TTC8: variants seen among roughly 807,000 people sequenced by gnomAD.
TTC8 encodes the protein tetratricopeptide repeat domain 8, also known as tetratricopeptide repeat protein 8.
In TTC8, 47 loss-of-function variants were observed where a neutral mutation model predicts 72.5. The observed-to-expected ratio is 0.65, with a 90% confidence interval of 0.51 to 0.83. The LOEUF is 0.83. Ranked by LOEUF, TTC8 falls within the 40% of genes least tolerant of loss-of-function variation. The pLI is 0.00. For synonymous variants in TTC8, 199 were observed against 221.4 expected, an observed-to-expected ratio of 0.90 and a Z score of 0.90; for missense variants, 611 against 623.2, an observed-to-expected ratio of 0.98 and a Z score of 0.21.
upstream of TTC8, chr14:88,824,303 C>G (rs945580554): frequency 1.1e-5 from 2 of 189,770 alleles, no homozygotes; most frequent in African/African-American, 4.7e-5. Flanking sequence ...AGAAGTAGGA[C>G]AGACACCAGA....
chr14:88,844,693 T>C (rs1419044326), intron 7 of TTC8, among the ~76,000 whole-genome samples: 1 of 151,800 alleles, frequency 6.6e-6, no homozygotes, highest in African/African-American at 2.4e-5. Flanking sequence ...TATAGGCGTG[T>C]GCCACCATGC....
intron 1 of TTC8, among the ~76,000 whole-genome samples, chr14:88,829,685 G>A (rs1456482834): frequency 6.6e-6 from 1 of 152,184 alleles, no homozygotes; most frequent in Non-Finnish European, 1.5e-5. Flanking sequence ...TTCTCGTTTT[G>A]CCCCAATCTC....
intron 10 of TTC8, among the ~76,000 whole-genome samples, chr14:88,866,164 A>G (rs1009169793): frequency 1.3e-5 from 2 of 152,196 alleles, no homozygotes; most frequent in Non-Finnish European, 2.9e-5. Flanking sequence ...CACAAAGTCA[A>G]AAAGCCATAA....
intron 9 of TTC8, among the ~76,000 whole-genome samples, chr14:88,861,009 GC>G (rs1238040353): frequency 6.6e-6 from 1 of 151,918 alleles, no homozygotes; most frequent in African/African-American, 2.4e-5. Context: ...TCACTGTGTT[GC>G]CCAGGCTGGT....
At chr14:88,853,105 G>T (rs375554445) in intron 8 of TTC8, 49 bp downstream of exon 8, 289 of 1,413,748 alleles carry the variant, frequency 2.0e-4, no homozygotes, top group Non-Finnish European at 2.7e-4. Context: ...CGTATTTTAG[G>T]GTCTCAAATC....
At chr14:88,874,900 C>T (rs1416332107) in intron 13 of TTC8, 126 bp from the exon 14 acceptor site, 2 of 632,994 alleles carry the variant, frequency 3.2e-6, no homozygotes, top group African/African-American at 3.7e-5. Context: ...CGGTATTTAT[C>T]ACAGGCTCGT....
chr14:88,847,570 CTTGAGAA>C (rs2094813134), intron 7 of TTC8, among the ~76,000 whole-genome samples: 1 of 152,032 alleles, frequency 6.6e-6, no homozygotes, highest in African/African-American at 2.4e-5. Flanking sequence ...TTAAATGACA[CTTGAGAA>C]AATTTGTCTG....
In TTC8 at chr14:88,825,042, C is replaced by A. The variant is rs114086573; in HGVS notation, c.114+221C>A. Among the ~76,000 whole-genome samples the A allele has an allele frequency of 2.8e-3, 425 of 152,310 alleles. 3 individuals are homozygous for A. Among genetic ancestry groups the A allele is most frequent in the African/African-American group, 9.5e-3 (393 of 41,582 alleles). On this transcript the variant is annotated intron_variant, in intron 1 of 14. Coordinates refer to ENST00000380656, the MANE Select transcript of TTC8 (RefSeq NM_144596.4). ...AGCAAGTTCTGTGCCATGACCGCCCCCTCCTCACAATTTTCAGCCTCCCCT... is the reference window on the plus strand; with the variant it reads ...AGCAAGTTCTGTGCCATGACCGCCCACTCCTCACAATTTTCAGCCTCCCCT...
In TTC8 at chr14:88,843,822, T is replaced by G; in HGVS notation, c.596T>G (p.Ile199Ser). The G allele has an allele frequency of 6.3e-7, 1 of 1,597,646 alleles. No homozygotes were observed. The highest frequency in any genetic ancestry group is 1.1e-5 in the South Asian group (1 of 88,854). The change falls in exon 7 of 15, where the codon ATC becomes AGC. Residue 199 changes from isoleucine to serine, a missense_variant. Ile to Ser is a moderately radical substitution (Grantham distance 142). Coordinates refer to ENST00000380656, the MANE Select transcript of TTC8 (RefSeq NM_144596.4). ...PKLAKALFEY[I>S]FHHENDVKTA... ...TCTTCACAGGCTTTGTTTGAGTATA[T>G]CTTTCATCATGAAAATGATGTTAAG... is the stretch of plus-strand genomic sequence containing the variant.
intron 10 of TTC8, among the ~76,000 whole-genome samples, chr14:88,869,231 T>C (rs1226293905): frequency 2.6e-5 from 4 of 152,354 alleles, no homozygotes; most frequent in Non-Finnish European, 5.9e-5. Flanking sequence ...TTGAGAAATA[T>C]AACATTCATT....
intron 2 of TTC8, among the ~76,000 whole-genome samples, chr14:88,836,292 A>G (rs2094750598): frequency 6.6e-6 from 1 of 152,050 alleles, no homozygotes; most frequent in South Asian, 2.1e-4. Flanking sequence ...GGAGTTCAAG[A>G]CCAGCCAGGG....
At chr14:88,846,740 A>G in intron 7 of TTC8, 1 of 906,968 alleles carries the variant, frequency 1.1e-6, no homozygotes, top group South Asian at 1.9e-5. Context: ...AGCCGACTGT[A>G]ATTTTTACAT....
upstream of TTC8, chr14:88,824,490 A>AGTAGACATCTTTTTCCAACC: frequency 1.7e-6 from 1 of 577,974 alleles, no homozygotes; most frequent in Non-Finnish European, 3.1e-6. Context: ...AGCCTTTAAA[A>AGTAGACATCTTTTTCCAACC]GTAGACATCT....
intron 7 of TTC8, among the ~76,000 whole-genome samples, chr14:88,848,201 C>G (rs1320213025): frequency 9.5e-6 from 1 of 104,956 alleles, no homozygotes; most frequent in Non-Finnish European, 2.0e-5. Context: ...GACCCCAAAA[C>G]AGAAAATTTA....
intron 13 of TTC8, among the ~76,000 whole-genome samples, chr14:88,874,018 A>G (rs1049467684): frequency 6.6e-6 from 1 of 152,222 alleles, no homozygotes; most frequent in Non-Finnish European, 1.5e-5. Flanking sequence ...TGTAGTTTAC[A>G]GACTGTTCTA....
chr14:88,827,603 A>C (rs1343360819), intron 1 of TTC8, among the ~76,000 whole-genome samples: 1 of 152,086 alleles, frequency 6.6e-6, no homozygotes, highest in Non-Finnish European at 1.5e-5. Flanking sequence ...TACAGGGCTT[A>C]CTCATGTTAG....
chr14:88,842,266 A>G (rs1051829376), intron 6 of TTC8, among the ~76,000 whole-genome samples: 1 of 152,194 alleles, frequency 6.6e-6, no homozygotes, highest in Admixed American at 6.5e-5. Context: ...CTCATTCCTA[A>G]TCTCAGTTCT....
intron 13 of TTC8, among the ~76,000 whole-genome samples, chr14:88,873,938 A>G (rs1441922343): frequency 3.9e-5 from 6 of 152,162 alleles, no homozygotes; most frequent in African/African-American, 1.4e-4. Context: ...TTTTAACAAC[A>G]ACAAGGAAAG....
At chr14:88,876,442 A>G (rs2094957654) in intron 14 of TTC8, among the ~76,000 whole-genome samples, 1 of 152,186 alleles carries the variant, frequency 6.6e-6, no homozygotes, top group Non-Finnish European at 1.5e-5. Flanking sequence ...GTATCCATGA[A>G]TCAAGATATA....
Sources: gnomAD v4.1 joint callset for allele counts (sites outside exome capture counted in the v4.1 genomes callset) on GRCh38, gnomAD v4.1.1 for gene constraint, MANE v1.5 for transcripts, NCBI Gene and HGNC (gene_info 2026-07-23, HGNC 2026-07-21) for gene names.